The following PTPRD variants were observed in gnomAD, a reference collection of about 807,000 sequenced individuals.
The protein encoded by PTPRD is receptor-type tyrosine-protein phosphatase delta.
PTPRD carries 34 observed loss-of-function variants against 214.5 expected under a neutral mutation model. The ratio of observed to expected loss-of-function variants is 0.16; its 90% CI spans 0.12 to 0.21. The LOEUF (loss-of-function observed/expected upper bound fraction) is 0.21. Ranked by LOEUF, PTPRD falls within the 10% of genes least tolerant of loss-of-function variation. The pLI, the probability that PTPRD is intolerant of heterozygous loss-of-function variation, is 1.00. For missense variants in PTPRD, 2,545 were observed against 2,398.7 expected (o/e 1.06, Z -1.27); for synonymous variants, 1,128 against 845.7 (o/e 1.33, Z -5.79).
chr9:8,832,704 G>A (rs1301537951), intron 11 of PTPRD, among the ~76,000 whole-genome samples: 2 of 152,028 alleles, frequency 1.3e-5, no homozygotes, highest in Non-Finnish European at 2.9e-5. Context: ...TATTTTAAAT[G>A]TGAAATCTTT....
Position 9,695,087 on chromosome 9 carries a change from C to T in PTPRD, c.-287+39446G>A, listed in dbSNP as rs75147911. 2.4e-3 allele frequency among the ~76,000 whole-genome samples: 366 copies of T among 152,290 alleles called. 1 individual carries two copies. The highest frequency in any genetic ancestry group is 8.4e-3 in the African/African-American group (349 of 41,570). On this transcript the variant is annotated intron_variant, in intron 7 of 45. Transcript: ENST00000381196. ...TATGCTGGGTCTCCTCCACATTCAA[C>T]ACATTTCAGAGCCCAAAGCCCATGG...
At chr9:9,773,985 G>A (rs971946935) in intron 5 of PTPRD, among the ~76,000 whole-genome samples, 1 of 152,204 alleles carries the variant, frequency 6.6e-6, no homozygotes, top group Non-Finnish European at 1.5e-5. Flanking sequence ...CCAGAGGAGT[G>A]AAGTGTTAAT....
intron 7 of PTPRD, among the ~76,000 whole-genome samples, chr9:9,657,666 C>T (rs1022029473): frequency 2.0e-5 from 3 of 151,946 alleles, no homozygotes; most frequent in Non-Finnish European, 4.4e-5. Context: ...TGTTTATGAC[C>T]GAATCTTTGT....
At chr9:10,228,494 A>T (rs1036255075) in intron 3 of PTPRD, among the ~76,000 whole-genome samples, 3 of 151,942 alleles carry the variant, frequency 2.0e-5, no homozygotes, top group African/African-American at 7.2e-5. Flanking sequence ...AATTAGCTCT[A>T]ACCATAAAGC....
Position 9,877,866 on chromosome 9 carries a change from G to C in PTPRD, c.-368+60641C>G, listed in dbSNP as rs141377231. On this transcript the variant is annotated intron_variant, in intron 5 of 45. Coordinates refer to ENST00000381196, the MANE Select transcript of PTPRD (RefSeq NM_002839.4). Reference sequence around the variant, plus strand: ...CCCATGCCTGTAATCCTGGCTACTTGGGAGGCTGAGGCAGGAGAATTGCTT... The same window carrying C: ...CCCATGCCTGTAATCCTGGCTACTTCGGAGGCTGAGGCAGGAGAATTGCTT... Among the ~76,000 whole-genome samples the C allele has an allele frequency of 2.4e-3, 370 of 151,774 alleles. 4 individuals are homozygous for C. Among genetic ancestry groups the C allele is most frequent in the African/African-American group, 8.9e-3 (366 of 41,352 alleles).
At chr9:10,580,672 T>C (rs942842056) in intron 2 of PTPRD, among the ~76,000 whole-genome samples, 6 of 152,162 alleles carry the variant, frequency 3.9e-5, no homozygotes, top group African/African-American at 1.4e-4. Context: ...TGTTATGAAT[T>C]ATAATACATG....
intron 37 of PTPRD, among the ~76,000 whole-genome samples, chr9:8,385,692 AC>A (rs1423708146): frequency 6.6e-6 from 1 of 152,104 alleles, no homozygotes; most frequent in Non-Finnish European, 1.5e-5. Flanking sequence ...ACTACATGTA[AC>A]CCATGTCTAT....
chr9:9,204,386 T>C (rs1253588846), intron 9 of PTPRD, among the ~76,000 whole-genome samples: 2 of 152,188 alleles, frequency 1.3e-5, no homozygotes, highest in Admixed American at 6.5e-5. Context: ...GTTCATAAAT[T>C]AATGGATGAT....
rs145470522 is a variant in PTPRD at position 10,590,964 on chromosome 9, T to C, written c.-600+21434A>G. On this transcript the variant is annotated intron_variant, in intron 2 of 45. Transcript: ENST00000381196. ...ATAGGTTATACCTAAATAAAGCTGA[T>C]TTAAGAATGTTTGAAAAACAGATCT... Among the ~76,000 whole-genome samples, 187 of 151,710 alleles carry C rather than the reference T, an allele frequency of 1.2e-3. No homozygotes were observed. The Middle Eastern group carries it at 0.035, about 28-fold the overall frequency.
intron 10 of PTPRD, among the ~76,000 whole-genome samples, chr9:9,043,928 AT>A (rs1474036730): frequency 8.0e-6 from 1 of 125,076 alleles, no homozygotes; most frequent in Non-Finnish European, 1.9e-5. Flanking sequence ...ATAAAATAAA[AT>A]AAAATAAAAT....
At chr9:9,535,525 G>A (rs2076332988) in intron 8 of PTPRD, among the ~76,000 whole-genome samples, 1 of 152,070 alleles carries the variant, frequency 6.6e-6, no homozygotes, top group South Asian at 2.1e-4. Flanking sequence ...TCCCAGAGGG[G>A]AGGGAGCTTT....
Position 10,027,980 on chromosome 9 carries a change from A to T in PTPRD, c.-472+5738T>A, listed in dbSNP as rs533138459. On this transcript the variant is annotated intron_variant, in intron 4 of 45. Transcript: ENST00000381196. ...TTTTATTATTCCTGTAATATCTCCC[A>T]CCTGTCCATTGATGGGTCATATGGT... Among the ~76,000 whole-genome samples, 13 of 152,148 alleles carry T rather than the reference A, an allele frequency of 8.5e-5. 1 individual carries two copies. The highest frequency in any genetic ancestry group is 1.9e-4 in the Non-Finnish European group (13 of 68,006).
chr9:9,004,907 G>A (rs2099451943), intron 11 of PTPRD, among the ~76,000 whole-genome samples: 1 of 152,028 alleles, frequency 6.6e-6, no homozygotes, highest in Non-Finnish European at 1.5e-5. Context: ...TGTAAGTTTT[G>A]TTCAATTGAC....
intron 10 of PTPRD, among the ~76,000 whole-genome samples, chr9:9,090,036 A>G (rs1308907674): frequency 6.6e-6 from 1 of 152,210 alleles, no homozygotes; most frequent in African/African-American, 2.4e-5. Context: ...TATGATATTC[A>G]TCACATTGAA....
intron 11 of PTPRD, among the ~76,000 whole-genome samples, chr9:8,929,755 A>ATGTGTATATATGTGTATATATATGTG (rs1555536588): frequency 1.7e-5 from 1 of 58,080 alleles, no homozygotes; most frequent in Non-Finnish European, 3.5e-5. Context: ...GTATATATAT[A>ATGTGTATATATGTGTATATATATGTG]TGTATATATA....
chr9:9,536,701 GGC>G, intron 8 of PTPRD, among the ~76,000 whole-genome samples: 1 of 152,076 alleles, frequency 6.6e-6, no homozygotes, highest in East Asian at 1.9e-4. Context: ...AGCCTGCCAG[GGC>G]TCAGTGCTGA....
intron 2 of PTPRD, among the ~76,000 whole-genome samples, chr9:10,529,700 C>T (rs534989063): frequency 6.6e-6 from 1 of 151,084 alleles, no homozygotes; most frequent in South Asian, 2.1e-4. Context: ...ACATGTATCC[C>T]AGAATGTAAA....
chr9:8,961,507 A>G (rs943852535), intron 11 of PTPRD, among the ~76,000 whole-genome samples: 7 of 152,106 alleles, frequency 4.6e-5, no homozygotes, highest in Admixed American at 4.6e-4. Context: ...CACTGTCTCT[A>G]GTAGTCAACA....
At chr9:9,527,991 A>C (rs1025113139) in intron 8 of PTPRD, among the ~76,000 whole-genome samples, 2 of 152,226 alleles carry the variant, frequency 1.3e-5, no homozygotes, top group Admixed American at 6.5e-5. Flanking sequence ...AAAAGAATTA[A>C]AACAAAAGAG....
Sources: allele counts gnomAD v4.1 joint callset (sites outside exome capture counted in the v4.1 genomes callset), GRCh38; gene constraint gnomAD v4.1.1; transcripts MANE v1.5; gene names NCBI Gene and HGNC (gene_info 2026-07-23, HGNC 2026-07-21).